Variants in SPATA13 observed in about 807,000 individuals in gnomAD.
The protein encoded by SPATA13 is spermatogenesis-associated protein 13.
SPATA13 carries 50 observed loss-of-function variants against 104.0 expected under a neutral mutation model. The observed-to-expected ratio is 0.48, with a 90% CI of 0.38 to 0.61. SPATA13 has a LOEUF of 0.61. Ranked by LOEUF, SPATA13 falls within the 20% of genes least tolerant of loss-of-function variation. The pLI is 0.00. For missense variants in SPATA13, 1,524 were observed against 1,690.6 expected, an observed-to-expected ratio of 0.90 and a Z score of 1.73; for synonymous variants, 606 against 667.5, an observed-to-expected ratio of 0.91 and a Z score of 1.42.
At chr13:24,300,723 T>C (rs1306961711) in intron 12 of SPATA13, among the ~76,000 whole-genome samples, 1 of 152,144 alleles carries the variant, frequency 6.6e-6, no homozygotes, top group African/African-American at 2.4e-5. Context: ...TGGAGGGTGG[T>C]GGACCTCCTT....
chr13:23,986,779 A>C (rs1335741984), intron 2 of SPATA13, among the ~76,000 whole-genome samples: 1 of 152,154 alleles, frequency 6.6e-6, no homozygotes, highest in Non-Finnish European at 1.5e-5. Flanking sequence ...GCCATACAGC[A>C]GTCATTTGGC....
intron 3 of SPATA13, among the ~76,000 whole-genome samples, chr13:24,044,297 A>G (rs1878051326): frequency 7.1e-6 from 1 of 140,800 alleles, no homozygotes; most frequent in African/African-American, 2.7e-5. Context: ...CAGCAGCGCT[A>G]TCATGGCTCA....
At chr13:24,182,966 A>G (rs1438085389) in intron 1 of SPATA13, among the ~76,000 whole-genome samples, 2 of 152,140 alleles carry the variant, frequency 1.3e-5, no homozygotes, top group African/African-American at 4.8e-5. Flanking sequence ...TAGTGCATTC[A>G]GGGGCACCAT....
intron 4 of SPATA13, among the ~76,000 whole-genome samples, chr13:24,258,920 T>G (rs887873921): frequency 1.6e-4 from 24 of 152,312 alleles, no homozygotes; most frequent in African/African-American, 5.5e-4. Flanking sequence ...TCAGGAGCTT[T>G]GTCAGGGCAG....
Position 24,222,822 on chromosome 13 carries a change from G to T in SPATA13, c.-108G>T. 6.6e-7 allele frequency: 1 copy of T among 1,517,546 alleles called. No individual in the cohort carries two copies. The highest frequency in any genetic ancestry group is 8.9e-7 in the Non-Finnish European group (1 of 1,127,272). The allele number at this position is 1,517,546 out of a possible 1,614,324, so 94.0% of individuals were successfully genotyped here. ...CCTGCTTTGTCTTTCACTGCAGCCC[G>T]TGGCCACCCAGGAGCCCGATGTGCA... On this transcript the variant is annotated 5_prime_UTR_variant, in exon 2 of 13. Transcript: ENST00000382108.
chr13:24,267,179 G>A (rs957175593), intron 4 of SPATA13, among the ~76,000 whole-genome samples: 1 of 152,102 alleles, frequency 6.6e-6, no homozygotes, highest in African/African-American at 2.4e-5. Flanking sequence ...TCCTAAAGTT[G>A]ATGGTAGTCC....
intron 1 of SPATA13, among the ~76,000 whole-genome samples, chr13:24,217,128 A>G (rs775583135): frequency 2.0e-4 from 30 of 152,192 alleles, no homozygotes; most frequent in Non-Finnish European, 2.5e-4. Flanking sequence ...TGGCCATGGT[A>G]TGTACCTGTT....
chr13:23,996,637 A>G (rs1875708886), intron 2 of SPATA13, among the ~76,000 whole-genome samples: 2 of 145,568 alleles, frequency 1.4e-5, no homozygotes, highest in African/African-American at 4.9e-5. Flanking sequence ...AGATTTGGCT[A>G]CTGATTAAAA....
chr13:24,297,311 C>G, intron 10 of SPATA13, 52 bp from the exon 11 acceptor site: 1 of 1,553,532 alleles, frequency 6.4e-7, no homozygotes, highest in South Asian at 1.2e-5. Flanking sequence ...GTAGCTAGGA[C>G]TACAGCTGTG....
intron 3 of SPATA13, among the ~76,000 whole-genome samples, chr13:24,068,698 T>C (rs1879054560): frequency 6.6e-6 from 1 of 152,226 alleles, no homozygotes. Flanking sequence ...AGAGCCTTAG[T>C]AATAGCCATT....
chr13:23,993,407 G>T (rs574129093), intron 2 of SPATA13, among the ~76,000 whole-genome samples: 1 of 152,238 alleles, frequency 6.6e-6, no homozygotes, highest in Non-Finnish European at 1.5e-5. Context: ...CTTCCTAGCA[G>T]TGTACTACCC....
At position 24,011,720 on chromosome 13, in the gene SPATA13, C is replaced by A. The variant is rs1268267762; in HGVS notation, c.-146-5947C>A. On this transcript the variant is annotated intron_variant, in intron 2 of 14. Coordinates refer to the SPATA13 transcript ENST00000424834. The surrounding 1 kb of genome is among the most constrained non-coding windows in gnomAD (Gnocchi z 4.3). ...TAAGCAGGAGCCTGGGAGTCTCCAACATCCTTCCTGGCAGGGGGCATGCAG... is the reference window on the plus strand; with the variant it reads ...TAAGCAGGAGCCTGGGAGTCTCCAAAATCCTTCCTGGCAGGGGGCATGCAG... Among the ~76,000 whole-genome samples the A allele has an allele frequency of 6.6e-6, 1 of 152,244 alleles. No homozygotes were observed. Among genetic ancestry groups the A allele is most frequent in the East Asian group, 1.9e-4 (1 of 5,188 alleles).
intron 3 of SPATA13, among the ~76,000 whole-genome samples, chr13:24,104,049 C>A (rs560824803): frequency 1.3e-5 from 2 of 152,182 alleles, no homozygotes; most frequent in South Asian, 4.2e-4. Context: ...GACATAGGAA[C>A]GTTGTGATTT....
At chr13:24,237,382 A>AAAAC (rs1872622266) in intron 2 of SPATA13, among the ~76,000 whole-genome samples, 1 of 151,848 alleles carries the variant, frequency 6.6e-6, no homozygotes, top group African/African-American at 2.4e-5. Context: ...CAAAACAAAA[A>AAAAC]AAACATGCTG....
intron 1 of SPATA13, among the ~76,000 whole-genome samples, chr13:24,220,243 A>G (rs1871497914): frequency 6.6e-6 from 1 of 152,306 alleles, no homozygotes; most frequent in East Asian, 1.9e-4. Flanking sequence ...CACCAAGGTT[A>G]GGCCGATTCC....
intron 3 of SPATA13, among the ~76,000 whole-genome samples, chr13:24,110,417 A>T (rs545120857): frequency 1.3e-5 from 2 of 152,286 alleles, no homozygotes; most frequent in South Asian, 4.1e-4. Flanking sequence ...ATGGAAACAG[A>T]TCCAGACTCA....
chr13:24,255,273 C>T (rs1262990234), intron 4 of SPATA13, among the ~76,000 whole-genome samples: 5 of 152,104 alleles, frequency 3.3e-5, no homozygotes, highest in Admixed American at 2.6e-4. Context: ...GATGCCTACC[C>T]TGAGGCTCCC....
intron 2 of SPATA13, among the ~76,000 whole-genome samples, chr13:24,012,234 G>C (rs963728555): frequency 6.6e-6 from 1 of 152,204 alleles, no homozygotes; most frequent in African/African-American, 2.4e-5. Flanking sequence ...ACTGGTAGAA[G>C]GGTCTAGGGA....
At chr13:24,143,439 G>A (rs569649813) in intron 3 of SPATA13, among the ~76,000 whole-genome samples, 7 of 152,302 alleles carry the variant, frequency 4.6e-5, no homozygotes, top group African/African-American at 9.6e-5. Context: ...ATAAAAATCC[G>A]CAGCTGCTGG....
Sources: gnomAD v4.1 joint callset for allele counts (sites outside exome capture counted in the v4.1 genomes callset) on GRCh38, gnomAD v4.1.1 for gene constraint, Gnocchi (gnomAD v3.1) non-coding constraint, MANE v1.5 for transcripts, NCBI Gene and HGNC (gene_info 2026-07-23, HGNC 2026-07-21) for gene names.